Variants in GPR107 observed in about 807,000 individuals in gnomAD.
GPR107 encodes G protein-coupled receptor 107.
Under a neutral mutation model 75.5 loss-of-function variants are expected in GPR107, and 31 were observed. That is an observed-to-expected ratio of 0.41 (90% CI 0.31 to 0.55). The LOEUF is 0.55. GPR107 is among the 20% of genes least tolerant of loss of function. The pLI is 0.26. For synonymous variants in GPR107, 267 were observed against 251.3 expected, an observed-to-expected ratio of 1.06 and a Z score of -0.59; for missense variants, 572 against 665.7, an observed-to-expected ratio of 0.86 and a Z score of 1.55.
At chr9:130,114,412 G>A (rs1298759133) in intron 14 of GPR107, among the ~76,000 whole-genome samples, 1 of 151,978 alleles carries the variant, frequency 6.6e-6, no homozygotes, top group East Asian at 1.9e-4. Flanking sequence ...TAGAGACAGG[G>A]TCCTGTGTCA....
chr9:130,090,845 T>C (rs1199767916), intron 7 of GPR107, 31 bp from the exon 8 acceptor site: 1 of 784,580 alleles, frequency 1.3e-6, no homozygotes, highest in Non-Finnish European at 2.2e-6. Context: ...AGGATTTGGG[T>C]ACCTTTAAAT....
intron 15 of GPR107, among the ~76,000 whole-genome samples, chr9:130,126,591 C>T (rs1389096833): frequency 6.6e-6 from 1 of 152,098 alleles, no homozygotes; most frequent in African/African-American, 2.4e-5. Context: ...CTCAGGTGAT[C>T]CACCCACCTC....
chr9:130,114,683 T>G, intron 14 of GPR107: 1 of 1,046,648 alleles, frequency 9.6e-7, no homozygotes, highest in African/African-American at 1.7e-5. Context: ...ACTGGACCCA[T>G]CCTGTTTTAC....
chr9:130,090,765 G>A, intron 7 of GPR107, 111 bp from the exon 8 acceptor site: 1 of 529,338 alleles, frequency 1.9e-6, no homozygotes, highest in Admixed American at 3.7e-5. Flanking sequence ...AAATATAGCT[G>A]AGTAGAATTT....
intron 9 of GPR107, among the ~76,000 whole-genome samples, chr9:130,094,655 TA>T (rs200309452): frequency 8.4e-4 from 127 of 151,578 alleles, no homozygotes; most frequent in African/African-American, 2.7e-3. Context: ...TGGGTTTTTT[TA>T]TTTTGTTTTG....
At position 130,077,551 on chromosome 9, in the gene GPR107, C is replaced by T. The variant is rs566145004; in HGVS notation, c.386+173C>T. On this transcript the variant is annotated intron_variant, in intron 4 of 17. Coordinates refer to ENST00000347136, the MANE Select transcript of GPR107 (RefSeq NM_020960.5). The stretch of plus-strand genomic sequence containing the variant: ...CCTGTCCTTGATGGGAGAGACAGAA[C>T]GGAAATACACATGATCACCGCCAAA... Among the ~76,000 whole-genome samples, 15 of 152,092 alleles carry T rather than the reference C, an allele frequency of 9.9e-5. No homozygotes were observed. In the South Asian group the frequency reaches 2.1e-3, roughly 21 times the overall value.
At chr9:130,106,083 G>A (rs1368299295) in intron 13 of GPR107, among the ~76,000 whole-genome samples, 1 of 152,110 alleles carries the variant, frequency 6.6e-6, no homozygotes, top group African/African-American at 2.4e-5. Flanking sequence ...CCTCATTAGG[G>A]AACAGAGGTT....
At chr9:130,101,519 A>G (rs548765561) in intron 12 of GPR107, among the ~76,000 whole-genome samples, 1 of 152,348 alleles carries the variant, frequency 6.6e-6, no homozygotes, top group East Asian at 1.9e-4. Flanking sequence ...CTTCTGCATC[A>G]TTTGCTTCAT....
intron 9 of GPR107, among the ~76,000 whole-genome samples, chr9:130,096,458 C>T (rs1830870915): frequency 7.4e-6 from 1 of 135,772 alleles, no homozygotes; most frequent in Non-Finnish European, 1.5e-5. Context: ...GTTGCATATA[C>T]ATTTTTGGAC....
At chr9:130,119,932 T>A (rs537510885) in intron 14 of GPR107, among the ~76,000 whole-genome samples, 29 of 152,254 alleles carry the variant, frequency 1.9e-4, no homozygotes, top group African/African-American at 6.3e-4. Context: ...CAGCCTCCCC[T>A]CCTACCTCAG....
chr9:130,097,444 T>G (rs1306354957), intron 9 of GPR107, among the ~76,000 whole-genome samples: 1 of 151,724 alleles, frequency 6.6e-6, no homozygotes, highest in Non-Finnish European at 1.5e-5. Flanking sequence ...CATGAGCCAC[T>G]GCGCCCAGCC....
intron 10 of GPR107, among the ~76,000 whole-genome samples, chr9:130,100,290 T>C (rs1830991653): frequency 6.6e-6 from 1 of 152,220 alleles, no homozygotes; most frequent in Admixed American, 6.5e-5. Context: ...AGAAAATTGA[T>C]GCTATAAAGC....
At chr9:130,111,495 G>A (rs1433101143) in intron 14 of GPR107, among the ~76,000 whole-genome samples, 5 of 152,076 alleles carry the variant, frequency 3.3e-5, no homozygotes, top group Admixed American at 1.3e-4. Context: ...TTGTACCACT[G>A]TACTCCAGCT....
In GPR107 at chr9:130,117,935, C is replaced by A. The variant is rs1831464965; in HGVS notation, c.1307-6980C>A. 2.0e-5 allele frequency among the ~76,000 whole-genome samples: 3 copies of A among 152,178 alleles called. No individual in the cohort carries two copies. In the South Asian group the frequency reaches 6.2e-4, roughly 32 times the overall value. On this transcript the variant is annotated intron_variant, in intron 14 of 17. Coordinates refer to ENST00000347136, the MANE Select transcript of GPR107 (RefSeq NM_020960.5). ...TGCCTGCTCTTGGGCATCACCCAGC[C>A]TTTTGAGTCATGATTGCATCGTCCT...
chr9:130,131,823 C>T (rs75574666), intron 17 of GPR107, among the ~76,000 whole-genome samples: 2,434 of 152,230 alleles, frequency 0.016, 24 homozygotes, highest in East Asian at 0.029. Context: ...CTCTTGCTCT[C>T]GTGCCTGGGC....
intron 15 of GPR107, among the ~76,000 whole-genome samples, chr9:130,125,636 C>T (rs1393416342): frequency 9.4e-5 from 13 of 138,772 alleles, no homozygotes; most frequent in Non-Finnish European, 1.8e-4. Flanking sequence ...GAGTCTCGCT[C>T]TGTCGCCCAG....
rs1325436312 is a variant in GPR107 at position 130,137,355 on chromosome 9, C to T, written c.*2234C>T. On this transcript the variant is annotated 3_prime_UTR_variant, in exon 18 of 18. Transcript: ENST00000347136. Reference sequence around the variant, plus strand: ...CAGCGTTGGGTGTTCAGATTCCACGCGTATGTCTGGGCTCACTCACAGCAT... The same window carrying T: ...CAGCGTTGGGTGTTCAGATTCCACGTGTATGTCTGGGCTCACTCACAGCAT... 5.3e-5 allele frequency: 8 copies of T among 152,278 alleles called. No homozygotes were observed. The highest frequency in any genetic ancestry group is 1.9e-4 in the African/African-American group (8 of 41,446). 9.4% of individuals were successfully genotyped at this position (152,278 alleles called of 1,614,324 possible). A position where few individuals can be genotyped will look rare whatever the true frequency, so the allele number is the denominator to read the frequency against.
intron 9 of GPR107, among the ~76,000 whole-genome samples, chr9:130,098,329 G>C (rs1314198907): frequency 6.6e-6 from 1 of 152,146 alleles, no homozygotes; most frequent in African/African-American, 2.4e-5. Flanking sequence ...ATTGGCCTGG[G>C]GTATTTGCAG....
At chr9:130,072,720 T>TG (rs967924953) in intron 1 of GPR107, among the ~76,000 whole-genome samples, 110 of 151,724 alleles carry the variant, frequency 7.3e-4, no homozygotes, top group African/African-American at 2.4e-3. Context: ...CTATTTATGT[T>TG]GGGGGGGGAA....
Sources: allele counts gnomAD v4.1 joint callset (sites outside exome capture counted in the v4.1 genomes callset), GRCh38; gene constraint gnomAD v4.1.1; transcripts MANE v1.5; gene names NCBI Gene and HGNC (gene_info 2026-07-23, HGNC 2026-07-21).